SLC16A12: variants seen among roughly 807,000 people sequenced by gnomAD.
The protein encoded by SLC16A12 is solute carrier family 16 member 12, also known as monocarboxylate transporter 12.
SLC16A12 carries 17 observed loss-of-function variants against 42.4 expected under a neutral mutation model. That is an observed-to-expected ratio of 0.40 (90% CI 0.27 to 0.60). The LOEUF is 0.60. SLC16A12 is among the 20% of genes least tolerant of loss of function. The pLI is 0.42. For missense variants in SLC16A12, 544 were observed against 623.0 expected (o/e 0.87, Z 1.35); for synonymous variants, 224 against 229.4 (o/e 0.98, Z 0.21).
In SLC16A12 at chr10:89,453,634, G is replaced by A. The variant is rs112540193; in HGVS notation, c.200+8745C>T. 1.4e-3 allele frequency among the ~76,000 whole-genome samples: 216 copies of A among 152,248 alleles called. 3 individuals are homozygous for A. Among genetic ancestry groups the A allele is most frequent in the African/African-American group, 4.3e-3 (180 of 41,548 alleles). On this transcript the variant is annotated intron_variant, in intron 3 of 7. Transcript: ENST00000371790. ...ACGACATAGCCTAGGTGTGCAGTAC[G>A]CGCTACTTTCTAGGCTTGTGTGAGT...
chr10:89,516,317 G>T (rs775412837), intron 2 of SLC16A12, among the ~76,000 whole-genome samples: 2 of 152,162 alleles, frequency 1.3e-5, no homozygotes, highest in Non-Finnish European at 2.9e-5. Flanking sequence ...CCCTCCCGAT[G>T]ATGTCACCAC....
At chr10:89,522,682 A>T (rs1411626870) in intron 2 of SLC16A12, among the ~76,000 whole-genome samples, 2 of 152,232 alleles carry the variant, frequency 1.3e-5, no homozygotes, top group Non-Finnish European at 2.9e-5. Flanking sequence ...GCAGTACAGC[A>T]TGATGGTACA....
intron 2 of SLC16A12, among the ~76,000 whole-genome samples, chr10:89,473,200 G>T (rs910971788): frequency 4.0e-5 from 6 of 151,492 alleles, no homozygotes; most frequent in Non-Finnish European, 5.9e-5. Flanking sequence ...ACCTAGAAAA[G>T]CCAAAATATT....
At chr10:89,507,449 C>G (rs1843082202) in intron 2 of SLC16A12, among the ~76,000 whole-genome samples, 1 of 152,130 alleles carries the variant, frequency 6.6e-6, no homozygotes, top group East Asian at 1.9e-4. Flanking sequence ...AATTTTCCAC[C>G]CAGAATTTCA....
intron 2 of SLC16A12, among the ~76,000 whole-genome samples, chr10:89,514,811 G>A (rs534212871): frequency 5.3e-5 from 8 of 152,248 alleles, no homozygotes; most frequent in East Asian, 3.9e-4. Flanking sequence ...GGCCGGGTGC[G>A]CGGGTGCAGT....
intron 2 of SLC16A12, among the ~76,000 whole-genome samples, chr10:89,520,720 CAAAAAAAAAAA>C (rs10712043): frequency 1.0e-5 from 1 of 100,128 alleles, no homozygotes; most frequent in Non-Finnish European, 1.9e-5. Flanking sequence ...TCACATAGGC[CAAAAAAAAAAA>C]AAAAAAAAAA....
chr10:89,448,843 T>C (rs1842045698), intron 3 of SLC16A12, among the ~76,000 whole-genome samples: 2 of 152,222 alleles, frequency 1.3e-5, no homozygotes, highest in South Asian at 4.1e-4. Context: ...GACATGATTG[T>C]ATATTTAGAA....
chr10:89,512,792 TCG>T (rs1480467368), intron 2 of SLC16A12, among the ~76,000 whole-genome samples: 3 of 152,166 alleles, frequency 2.0e-5, no homozygotes, highest in Non-Finnish European at 2.9e-5. Context: ...TAGCAAAAGA[TCG>T]AACCCAAGAG....
chr10:89,494,268 C>T (rs1842890361), intron 2 of SLC16A12, among the ~76,000 whole-genome samples: 1 of 152,148 alleles, frequency 6.6e-6, no homozygotes, highest in Admixed American at 6.5e-5. Flanking sequence ...GCAGTATTAA[C>T]CGGTTCAATT....
intron 2 of SLC16A12, among the ~76,000 whole-genome samples, chr10:89,470,039 ATTGCCCCTTTCTGG>A: frequency 6.6e-6 from 1 of 152,224 alleles, no homozygotes; most frequent in South Asian, 2.1e-4. Context: ...CTTCTGGTGT[ATTGCCCCTTTCTGG>A]TAAGCCAGGT....
intron 3 of SLC16A12, among the ~76,000 whole-genome samples, chr10:89,461,034 G>T (rs1589678283): frequency 1.3e-5 from 2 of 152,138 alleles, no homozygotes; most frequent in East Asian, 3.9e-4. Context: ...CAAATAATTA[G>T]TCCAAATTAC....
At chr10:89,519,938 C>T (rs951716609) in intron 2 of SLC16A12, among the ~76,000 whole-genome samples, 1 of 152,088 alleles carries the variant, frequency 6.6e-6, no homozygotes, top group East Asian at 1.9e-4. Context: ...CATGGTGAAA[C>T]CCTGTCTCTA....
intron 2 of SLC16A12, among the ~76,000 whole-genome samples, chr10:89,541,344 C>T (rs1042281401): frequency 3.3e-5 from 5 of 151,984 alleles, no homozygotes; most frequent in African/African-American, 4.8e-5. Flanking sequence ...GCCTGTAATC[C>T]AACATTTTGG....
chr10:89,460,969 C>T (rs906992403), intron 3 of SLC16A12, among the ~76,000 whole-genome samples: 2 of 152,154 alleles, frequency 1.3e-5, no homozygotes, highest in African/African-American at 2.4e-5. Flanking sequence ...TTATTCTATC[C>T]TGCACTGTAT....
At chr10:89,530,420 T>C (rs549062402) in intron 2 of SLC16A12, among the ~76,000 whole-genome samples, 1 of 152,026 alleles carries the variant, frequency 6.6e-6, no homozygotes, top group Non-Finnish European at 1.5e-5. Flanking sequence ...GTGGTTTTTT[T>C]TTTTCTTTTT....
At chr10:89,472,073 A>G (rs1350744058) in intron 2 of SLC16A12, among the ~76,000 whole-genome samples, 1 of 152,184 alleles carries the variant, frequency 6.6e-6, no homozygotes, top group Non-Finnish European at 1.5e-5. Context: ...TCTGTGGCTT[A>G]CCTATTCATT....
chr10:89,459,049 A>C (rs1842246809), intron 3 of SLC16A12, among the ~76,000 whole-genome samples: 1 of 152,238 alleles, frequency 6.6e-6, no homozygotes. Context: ...GTTGAAGAGC[A>C]CTCAGGAATA....
chr10:89,488,034 A>G (rs1023174587), intron 2 of SLC16A12, among the ~76,000 whole-genome samples: 5 of 145,056 alleles, frequency 3.4e-5, no homozygotes, highest in Non-Finnish European at 7.5e-5. Flanking sequence ...ATATATATTA[A>G]ATATATATGT....
chr10:89,490,145 G>A (rs1355721014), intron 2 of SLC16A12, among the ~76,000 whole-genome samples: 1 of 152,246 alleles, frequency 6.6e-6, no homozygotes, highest in Non-Finnish European at 1.5e-5. Context: ...AAAGAAATGA[G>A]TCAAAGATGG....
Sources: gnomAD v4.1 joint callset for allele counts (sites outside exome capture counted in the v4.1 genomes callset) on GRCh38, gnomAD v4.1.1 for gene constraint, MANE v1.5 for transcripts, NCBI Gene and HGNC (gene_info 2026-07-23, HGNC 2026-07-21) for gene names.